Variants in IPCEF1 observed in about 807,000 individuals in gnomAD.
IPCEF1 encodes interactor protein for cytohesin exchange factors 1.
IPCEF1 carries 31 observed loss-of-function variants against 50.9 expected under a neutral mutation model. The observed-to-expected ratio is 0.61, with a 90% CI of 0.46 to 0.82. The LOEUF (loss-of-function observed/expected upper bound fraction) is 0.82, where lower values mean the gene tolerates loss of function less well. Among genes scored for constraint, IPCEF1 ranks in the 40% least tolerant of loss-of-function variants. The probability of loss-of-function intolerance (pLI) is 0.00; values close to 1 mark genes in which losing one functional copy is unlikely to be tolerated. For synonymous variants in IPCEF1, 181 were observed against 192.0 expected, an observed-to-expected ratio of 0.94 and a Z score of 0.47; for missense variants, 458 against 514.0, an observed-to-expected ratio of 0.89 and a Z score of 1.05.
At chr6:154,265,828 G>A in intron 3 of IPCEF1, 84 bp downstream of exon 3, 2 of 948,882 alleles carry the variant, frequency 2.1e-6, no homozygotes, top group South Asian at 3.1e-5. Flanking sequence ...TAAATTGCTA[G>A]CCAAACTTGA....
At chr6:154,218,220 G>C (rs1778569263) in intron 7 of IPCEF1, among the ~76,000 whole-genome samples, 1 of 152,208 alleles carries the variant, frequency 6.6e-6, no homozygotes, top group South Asian at 2.1e-4. Context: ...AACTTGACGT[G>C]AATGTGTGTG....
In IPCEF1 at chr6:154,212,795, G is replaced by A. The variant is rs1375678728; in HGVS notation, c.512C>T (p.Pro171Leu). The A allele has an allele frequency of 1.2e-6, 2 of 1,613,188 alleles. No individual in the cohort carries two copies. The highest frequency in any genetic ancestry group is 2.2e-5 in the East Asian group (1 of 44,886). ...PEIAAETPPP[P>L]HASQTQSLTA... is the part of the protein sequence containing the mutation. ...CAAAGACTGAGTCTGGGAAGCGTGAGGAGGGGGTGGTGTCTCCGCAGCTAT... is the reference window on the plus strand; with the variant it reads ...CAAAGACTGAGTCTGGGAAGCGTGAAGAGGGGGTGGTGTCTCCGCAGCTAT... Residue 171 changes from proline to leucine, a missense_variant, in exon 9 of 12, where the codon CCT becomes CTT. By Grantham distance (98) the Pro-to-Leu change is moderately conservative. Transcript: ENST00000367220.
At chr6:154,216,591 C>T (rs1021880498) in intron 7 of IPCEF1, among the ~76,000 whole-genome samples, 7 of 152,190 alleles carry the variant, frequency 4.6e-5, no homozygotes, top group South Asian at 4.1e-4. Context: ...AAGTGATGGC[C>T]GGGCACAGTG....
At chr6:154,319,539 G>A (rs1783318436) in intron 1 of IPCEF1, among the ~76,000 whole-genome samples, 1 of 152,114 alleles carries the variant, frequency 6.6e-6, no homozygotes, top group African/African-American at 2.4e-5. Flanking sequence ...CCGCCCCCAG[G>A]CCCTTTTTAA....
intron 1 of IPCEF1, among the ~76,000 whole-genome samples, chr6:154,324,376 G>T (rs1188890653): frequency 6.6e-6 from 1 of 151,454 alleles, no homozygotes; most frequent in Admixed American, 6.6e-5. Flanking sequence ...GACCAGCCTG[G>T]GCAAGATGGC....
intron 9 of IPCEF1, among the ~76,000 whole-genome samples, chr6:154,202,720 A>G (rs566700492): frequency 5.9e-4 from 90 of 152,304 alleles, no homozygotes; most frequent in African/African-American, 2.1e-3. Context: ...CTGTTAAATG[A>G]GCATTAGAAA....
intron 2 of IPCEF1, among the ~76,000 whole-genome samples, chr6:154,286,389 A>G (rs888483218): frequency 7.2e-5 from 11 of 152,366 alleles, no homozygotes; most frequent in Admixed American, 2.6e-4. Flanking sequence ...AACTATGTCT[A>G]TAACATATTA....
chr6:154,188,491 C>A (rs1583746879), intron 10 of IPCEF1, among the ~76,000 whole-genome samples: 1 of 152,214 alleles, frequency 6.6e-6, no homozygotes, highest in African/African-American at 2.4e-5. Flanking sequence ...TGTGTGTATG[C>A]ACGCATGTGC....
At chr6:154,272,978 A>T (rs1311094979) in intron 2 of IPCEF1, among the ~76,000 whole-genome samples, 1 of 152,222 alleles carries the variant, frequency 6.6e-6, no homozygotes, top group Non-Finnish European at 1.5e-5. Flanking sequence ...CTTTGGAATG[A>T]TGGAGCAAAA....
chr6:154,338,836 C>T (rs185847135), intron 1 of IPCEF1, among the ~76,000 whole-genome samples: 7 of 152,186 alleles, frequency 4.6e-5, no homozygotes, highest in African/African-American at 1.4e-4. Flanking sequence ...ACAGGAGGAT[C>T]GCTTGAGCCC....
At chr6:154,322,371 T>TAA (rs1382273730) in intron 1 of IPCEF1, among the ~76,000 whole-genome samples, 1 of 85,900 alleles carries the variant, frequency 1.2e-5, no homozygotes, top group Non-Finnish European at 2.3e-5. Flanking sequence ...TTAAAAATTT[T>TAA]AAACACACAC....
intron 10 of IPCEF1, among the ~76,000 whole-genome samples, chr6:154,180,414 ATTTT>A (rs761333730): frequency 6.1e-5 from 4 of 65,268 alleles, no homozygotes; most frequent in Admixed American, 1.4e-4. Flanking sequence ...ATATATATAT[ATTTT>A]TTTTTTAAAC....
At chr6:154,217,260 A>C (rs1778477845) in intron 7 of IPCEF1, 1 of 160,548 alleles carries the variant, frequency 6.2e-6, no homozygotes, top group African/African-American at 2.4e-5. Context: ...TTAGATGTAG[A>C]TTCTCTGGTC....
Position 154,168,864 on chromosome 6 carries a change from C to T in IPCEF1, c.911-751G>A, listed in dbSNP as rs540318328. Among the ~76,000 whole-genome samples the T allele has an allele frequency of 1.3e-3, 195 of 152,186 alleles. No homozygotes were observed. Among genetic ancestry groups the T allele is most frequent in the Non-Finnish European group, 2.0e-3 (135 of 68,008 alleles). On this transcript the variant is annotated intron_variant, in intron 10 of 11. Coordinates refer to ENST00000367220, the MANE Select transcript of IPCEF1 (RefSeq NM_001130700.2). This position sits in a 1 kb window ranked among gnomAD's most constrained non-coding sequence, Gnocchi z 4.1. ...TGGGTGATCCGCCCACCTTGGCCTC[C>T]CAAAGTGCTGGGATTACAGGTGTGA... is the stretch of plus-strand genomic sequence containing the variant.
At chr6:154,213,086 A>C (rs1327561547) in intron 8 of IPCEF1, 3 of 500,808 alleles carry the variant, frequency 6.0e-6, no homozygotes, top group Non-Finnish European at 1.1e-5. Context: ...TGCAGGAAGA[A>C]GACAAATCGT....
At chr6:154,290,564 T>C (rs1236795526) in intron 1 of IPCEF1, among the ~76,000 whole-genome samples, 1 of 152,172 alleles carries the variant, frequency 6.6e-6, no homozygotes, top group East Asian at 1.9e-4. Flanking sequence ...TTGAATTCTT[T>C]CCTTCGAGGA....
intron 5 of IPCEF1, among the ~76,000 whole-genome samples, chr6:154,244,211 G>C (rs1046570199): frequency 7.9e-5 from 12 of 152,086 alleles, no homozygotes; most frequent in African/African-American, 2.9e-4. Flanking sequence ...GCACAGAGAA[G>C]AGGAATATCA....
chr6:154,289,780 A>AG (rs1782466071), intron 1 of IPCEF1, 24 bp from the exon 2 acceptor site: 1 of 148,354 alleles, frequency 6.7e-6, no homozygotes, highest in Non-Finnish European at 1.5e-5. Context: ...AAAAAAAAAA[A>AG]AAGAGAGAGA....
intron 10 of IPCEF1, among the ~76,000 whole-genome samples, chr6:154,172,525 C>G (rs1340016913): frequency 1.3e-5 from 2 of 152,200 alleles, no homozygotes; most frequent in Non-Finnish European, 2.9e-5. Flanking sequence ...ACCCATGGAG[C>G]CTTGCTTGCT....
Sources: allele counts gnomAD v4.1 joint callset (sites outside exome capture counted in the v4.1 genomes callset), GRCh38; gene constraint gnomAD v4.1.1; non-coding constraint Gnocchi (gnomAD v3.1); transcripts MANE v1.5; gene names NCBI Gene and HGNC (gene_info 2026-07-23, HGNC 2026-07-21).